The following PRPF31 variants were observed in gnomAD, a reference collection of about 807,000 sequenced individuals.
The protein encoded by PRPF31 is pre-mRNA processing factor 31, also known as U4/U6 small nuclear ribonucleoprotein Prp31.
Under a neutral mutation model 60.4 loss-of-function variants are expected in PRPF31, and 12 were observed. That is an observed-to-expected ratio of 0.20 (90% CI 0.13 to 0.32). The LOEUF (loss-of-function observed/expected upper bound fraction) is 0.32, where lower values mean the gene tolerates loss of function less well. Ranked by LOEUF, PRPF31 falls within the 10% of genes least tolerant of loss-of-function variation. The pLI is 1.00. For synonymous variants in PRPF31, 287 were observed against 287.9 expected (o/e 1.00, Z 0.03); for missense variants, 431 against 687.1 (o/e 0.63, Z 4.17).
rs1036331956 is a variant in PRPF31 at position 54,115,959 on chromosome 19, G to A, written c.-9+162G>A. The A allele has an allele frequency of 4.3e-5, 7 of 160,958 alleles. No homozygotes were observed. The East Asian group carries it at 9.9e-4, about 23-fold the overall frequency. 10.0% of individuals were successfully genotyped at this position (160,958 alleles called of 1,614,324 possible). A position where few individuals can be genotyped will look rare whatever the true frequency, so the allele number is the denominator to read the frequency against. On this transcript the variant is annotated intron_variant, in intron 1 of 13. Coordinates refer to ENST00000321030, the MANE Select transcript of PRPF31 (RefSeq NM_015629.4). ...GTTCTGTTGCCCAGGTTGGAGAGCA[G>A]TGGCGCGATCTCGGCTCATTGCAAC...
At position 54,129,334 on chromosome 19, in the gene PRPF31, G is replaced by C. The variant is rs1267912191; in HGVS notation, c.1338G>C (p.Ser446=). ...GGKSTIRDRS[S]GTASSVAFTP... is the part of the protein sequence containing the mutation. ...AGTCCACCATCCGCGACCGCTCCTC[G>C]GGCACGGCCTCCAGCGTGGCCTTCA... Residue 446 remains serine (S), a synonymous_variant, in exon 13 of 14, where the codon TCG becomes TCC. Transcript: ENST00000321030. The C allele has an allele frequency of 6.2e-7, 1 of 1,604,434 alleles. No individual in the cohort carries two copies. The highest frequency in any genetic ancestry group is 8.5e-7 in the Non-Finnish European group (1 of 1,176,354).
At chr19:54,127,958 A>G (rs2073958115) in intron 9 of PRPF31, 115 bp from the exon 10 acceptor site, 5 of 1,405,140 alleles carry the variant, frequency 3.6e-6, no homozygotes, top group Non-Finnish European at 4.9e-6. Context: ...GCGGTGAGGC[A>G]GCATTAGGTG....
intron 1 of PRPF31, among the ~76,000 whole-genome samples, chr19:54,116,052 G>T (rs1474091076): frequency 7.2e-6 from 1 of 138,184 alleles, no homozygotes; most frequent in Non-Finnish European, 1.6e-5. Context: ...ACAGGCGCCC[G>T]CCACCACCCC....
In PRPF31 at chr19:54,131,620, T is replaced by C. The variant is rs2074049940; in HGVS notation, c.*188T>C. On this transcript the variant is annotated 3_prime_UTR_variant, in exon 14 of 14. Transcript: ENST00000321030. Reference sequence around the variant, plus strand: ...CCCCAGGACCGAGATCACCGCCCAGTATGGGCTAGAGCAGGTCTTCATCAT... The same window carrying C: ...CCCCAGGACCGAGATCACCGCCCAGCATGGGCTAGAGCAGGTCTTCATCAT... 1 of 803,756 alleles carries C rather than the reference T, an allele frequency of 1.2e-6. No individual in the cohort carries two copies. Among genetic ancestry groups the C allele is most frequent in the Admixed American group, 2.2e-5 (1 of 46,454 alleles). 49.8% of individuals were successfully genotyped at this position (803,756 alleles called of 1,614,324 possible).
chr19:54,126,383 G>A, intron 8 of PRPF31, 145 bp from the exon 9 acceptor site: 1 of 738,640 alleles, frequency 1.4e-6, no homozygotes, highest in Middle Eastern at 2.3e-4. Flanking sequence ...TAGGAGCTGA[G>A]AGCACACACC....
chr19:54,119,306 T>C (rs894027344), intron 3 of PRPF31, among the ~76,000 whole-genome samples: 192 of 150,522 alleles, frequency 1.3e-3, no homozygotes, highest in Non-Finnish European at 1.9e-3. Context: ...GGCGTGAACC[T>C]GGGAGGCGGA....
chr19:54,122,293 C>A, intron 4 of PRPF31: 1 of 692,670 alleles, frequency 1.4e-6, no homozygotes, highest in Admixed American at 2.1e-5. Context: ...GTCACTGCAG[C>A]TCACGTTTTA....
chr19:54,124,986 C>T lies in PRPF31; in HGVS notation c.855+330C>T, dbSNP rs117933933. 646 of 484,698 alleles carry T rather than the reference C, an allele frequency of 1.3e-3. 3 individuals are homozygous for T. Among genetic ancestry groups the T allele is most frequent in the Non-Finnish European group, 2.2e-3 (577 of 264,162 alleles). 30.0% of individuals were successfully genotyped at this position (484,698 alleles called of 1,614,324 possible). A position where few individuals can be genotyped will look rare whatever the true frequency, so the allele number is the denominator to read the frequency against. ...TTCAGGCCTAGCTCACGACAAGCAG[C>T]GTCGGGTTAGCGTGCAACTGCTCCG... On this transcript the variant is annotated intron_variant, in intron 8 of 13. Coordinates refer to ENST00000321030, the MANE Select transcript of PRPF31 (RefSeq NM_015629.4).
intron 8 of PRPF31, 68 bp from the exon 9 acceptor site, chr19:54,126,460 G>A (rs1355287389): frequency 2.0e-5 from 30 of 1,480,386 alleles, no homozygotes; most frequent in Middle Eastern, 3.4e-4. Context: ...GAGCGCGCGC[G>A]GTTGCTTTGC....
intron 1 of PRPF31, among the ~76,000 whole-genome samples, chr19:54,116,419 T>C (rs980540001): frequency 9.2e-5 from 14 of 151,968 alleles, no homozygotes; most frequent in Non-Finnish European, 1.8e-4. Flanking sequence ...TTGGCCAGGC[T>C]GGTCTCCAAC....
intron 13 of PRPF31, 73 bp downstream of exon 13, chr19:54,129,443 A>C: frequency 6.6e-7 from 1 of 1,507,716 alleles, no homozygotes; most frequent in African/African-American, 1.4e-5. Context: ...GCCCCTGTGA[A>C]GAAGGCCAGG....
rs2073969270 is a variant in PRPF31 at position 54,128,298 on chromosome 19, T to G, written c.1074-7T>G. On this transcript the variant is annotated splice_region_variant and splice_polypyrimidine_tract_variant and intron_variant, in intron 10 of 13. Coordinates refer to ENST00000321030, the MANE Select transcript of PRPF31 (RefSeq NM_015629.4). ...CTCCCTGGCGCCGCCCACCCACCCGTCCCCAGGTACCGCAAGATGAAGGAG... is the reference window on the plus strand; with the variant it reads ...CTCCCTGGCGCCGCCCACCCACCCGGCCCCAGGTACCGCAAGATGAAGGAG... 2 of 561,304 alleles carry G rather than the reference T, an allele frequency of 3.6e-6. No individual in the cohort carries two copies. Among genetic ancestry groups the G allele is most frequent in the African/African-American group, 2.3e-5 (1 of 43,958 alleles). 34.8% of individuals were successfully genotyped at this position (561,304 alleles called of 1,614,324 possible). A position where few individuals can be genotyped will look rare whatever the true frequency, so the allele number is the denominator to read the frequency against.
At chr19:54,124,356 C>T (rs587702261) in intron 7 of PRPF31, 143 bp from the exon 8 acceptor site, 25 of 860,194 alleles carry the variant, frequency 2.9e-5, no homozygotes, top group Middle Eastern at 3.2e-4. Flanking sequence ...CCAGGTCGCC[C>T]GCCTGGCAGG....
chr19:54,127,931 G>GA, intron 9 of PRPF31, 142 bp from the exon 10 acceptor site: 1 of 1,222,644 alleles, frequency 8.2e-7, no homozygotes. Context: ...ACACCAAGAA[G>GA]AAAAAGAAAG....
At chr19:54,123,165 G>A (rs587735902) in intron 5 of PRPF31, 40 of 566,848 alleles carry the variant, frequency 7.1e-5, no homozygotes, top group African/African-American at 6.9e-4. Context: ...TTTGCACTCC[G>A]ACTTGACGCA....
intron 8 of PRPF31, 86 bp downstream of exon 8, chr19:54,124,742 T>G: frequency 6.8e-7 from 1 of 1,470,228 alleles, no homozygotes; most frequent in Non-Finnish European, 9.4e-7. Context: ...ACCCACCATC[T>G]GGCCCAGCTG....
At chr19:54,118,745 CTTCT>C in intron 3 of PRPF31, 112 bp downstream of exon 3, 1 of 1,089,318 alleles carries the variant, frequency 9.2e-7, no homozygotes. Flanking sequence ...TTTCCAGAGC[CTTCT>C]TTTTTTTTTG....
In PRPF31 at chr19:54,127,901, C is replaced by T. The variant is rs113963287; in HGVS notation, c.946-172C>T. On this transcript the variant is annotated intron_variant, in intron 9 of 13. Coordinates refer to ENST00000321030, the MANE Select transcript of PRPF31 (RefSeq NM_015629.4). Reference sequence around the variant, plus strand: ...CAGTCAACAGGTGAACTCTGTCCTGCGTCTAGCGGTGCTAAGTCAACACCA... The same window carrying T: ...CAGTCAACAGGTGAACTCTGTCCTGTGTCTAGCGGTGCTAAGTCAACACCA... Among the ~76,000 whole-genome samples, 14 of 152,322 alleles carry T rather than the reference C, an allele frequency of 9.2e-5. No individual in the cohort carries two copies. The South Asian group carries it at 2.1e-3, about 23-fold the overall frequency.
chr19:54,118,094 C>T (rs1480596792), intron 1 of PRPF31, 177 bp from the exon 2 acceptor site: 30 of 853,360 alleles, frequency 3.5e-5, no homozygotes, highest in South Asian at 1.5e-4. Context: ...TTGCACAGGT[C>T]GGAGCTGGAG....
Sources: gnomAD v4.1 joint callset for allele counts (sites outside exome capture counted in the v4.1 genomes callset) on GRCh38, gnomAD v4.1.1 for gene constraint, MANE v1.5 for transcripts, NCBI Gene and HGNC (gene_info 2026-07-23, HGNC 2026-07-21) for gene names.